The following CERS6 variants were observed in gnomAD, a reference collection of about 807,000 sequenced individuals.
CERS6 encodes LAG1 homolog, ceramide synthase 6.
In CERS6, 26 loss-of-function variants were observed where a neutral mutation model predicts 56.8. The observed-to-expected ratio is 0.46, with a 90% CI of 0.34 to 0.63. CERS6 has a LOEUF of 0.63. Among genes scored for constraint, CERS6 ranks in the 30% least tolerant of loss-of-function variants. The pLI is 0.01. For missense variants in CERS6, 415 were observed against 467.5 expected, an observed-to-expected ratio of 0.89 and a Z score of 1.04; for synonymous variants, 164 against 173.3, an observed-to-expected ratio of 0.95 and a Z score of 0.42.
At chr2:168,650,238 C>T (rs543508557) in intron 4 of CERS6, among the ~76,000 whole-genome samples, 72 of 152,100 alleles carry the variant, frequency 4.7e-4, no homozygotes, top group African/African-American at 1.7e-3. Flanking sequence ...TTTCTTTTTG[C>T]TTTCTTGCAG....
At chr2:168,620,716 A>G (rs1684449928) in intron 3 of CERS6, among the ~76,000 whole-genome samples, 1 of 151,696 alleles carries the variant, frequency 6.6e-6, no homozygotes, top group Non-Finnish European at 1.5e-5. Flanking sequence ...AGCCTGCAGC[A>G]GAAAACTGAC....
rs1198678709 is a variant in CERS6, at chr2:168,523,184, GT to G, written c.171-24408del. The stretch of plus-strand genomic sequence containing the variant: ...CTGCCTCTCTGCTCTACCATTTTGG[GT>G]TTTGTCCTTAAGCTTGTCACCTCTT... On this transcript the variant is annotated intron_variant, in intron 1 of 9. Transcript: ENST00000305747. 2.0e-5 allele frequency among the ~76,000 whole-genome samples: 3 copies of G among 152,284 alleles called. No homozygotes were observed. In the South Asian group the frequency reaches 6.2e-4, roughly 32 times the overall value.
chr2:168,771,714 T>G lies in CERS6; in HGVS notation c.*2052T>G, dbSNP rs1574235151. ...TCCTCTCAATGGCTAAAATTAACTT[T>G]AGAGATCCATGTGTTCAGGTTTAGA... On this transcript the variant is annotated 3_prime_UTR_variant, in exon 10 of 10. Transcript: ENST00000305747. The G allele has an allele frequency of 6.6e-6, 1 of 152,208 alleles. No individual in the cohort carries two copies. The highest frequency in any genetic ancestry group is 1.9e-4 in the East Asian group (1 of 5,192). The allele number at this position is 152,208 out of a possible 1,614,324, so 9.4% of individuals were successfully genotyped here. A position where few individuals can be genotyped will look rare whatever the true frequency, so the allele number is the denominator to read the frequency against.
At chr2:168,523,214 C>T (rs1272632047) in intron 1 of CERS6, among the ~76,000 whole-genome samples, 2 of 152,230 alleles carry the variant, frequency 1.3e-5, no homozygotes, top group Non-Finnish European at 2.9e-5. Flanking sequence ...ACCTCTTGAT[C>T]CCATTATCCC....
chr2:168,732,758 C>T (rs1027010631), intron 8 of CERS6, among the ~76,000 whole-genome samples: 1 of 152,144 alleles, frequency 6.6e-6, no homozygotes, highest in African/African-American at 2.4e-5. Flanking sequence ...AAAACTTGCT[C>T]TCTATCCATC....
At chr2:168,758,069 G>A (rs1574225031) in intron 8 of CERS6, among the ~76,000 whole-genome samples, 4 of 152,142 alleles carry the variant, frequency 2.6e-5, no homozygotes, top group South Asian at 2.1e-4. Context: ...TTTTTTGTTC[G>A]GAGTGAATTT....
intron 8 of CERS6, among the ~76,000 whole-genome samples, chr2:168,722,687 T>C (rs1683216925): frequency 6.6e-6 from 1 of 152,222 alleles, no homozygotes; most frequent in Admixed American, 6.5e-5. Context: ...GCTTCCTAAG[T>C]TGACTCATTC....
At chr2:168,628,414 A>G (rs947993258) in intron 3 of CERS6, among the ~76,000 whole-genome samples, 1 of 152,168 alleles carries the variant, frequency 6.6e-6, no homozygotes, top group African/African-American at 2.4e-5. Context: ...TGAAAGTTTC[A>G]TATAAAGCAG....
At chr2:168,604,529 A>G (rs1172505531) in intron 3 of CERS6, among the ~76,000 whole-genome samples, 1 of 152,290 alleles carries the variant, frequency 6.6e-6, no homozygotes, top group African/African-American at 2.4e-5. Context: ...GCCAAATCTC[A>G]TGTTGAAATG....
At chr2:168,623,873 G>A (rs747122889) in intron 3 of CERS6, among the ~76,000 whole-genome samples, 8 of 152,220 alleles carry the variant, frequency 5.3e-5, no homozygotes, top group Admixed American at 2.0e-4. Flanking sequence ...TGTGAAAAAC[G>A]GGGACACCTG....
chr2:168,620,269 A>G (rs1296947214), intron 3 of CERS6, among the ~76,000 whole-genome samples: 4 of 152,024 alleles, frequency 2.6e-5, no homozygotes, highest in Non-Finnish European at 5.9e-5. Flanking sequence ...TTGGGGACTC[A>G]GGGAAAGGAT....
intron 2 of CERS6, among the ~76,000 whole-genome samples, chr2:168,558,834 A>C (rs1408811023): frequency 6.6e-6 from 1 of 152,174 alleles, no homozygotes; most frequent in African/African-American, 2.4e-5. Flanking sequence ...GCACCACTGC[A>C]CTCCAGCCTG....
intron 8 of CERS6, among the ~76,000 whole-genome samples, chr2:168,758,613 C>T (rs1379035825): frequency 6.6e-6 from 1 of 152,124 alleles, no homozygotes; most frequent in Non-Finnish European, 1.5e-5. Flanking sequence ...CCATTGTTAT[C>T]GTCTTATTAC....
chr2:168,545,151 A>G (rs552454594), intron 1 of CERS6, among the ~76,000 whole-genome samples: 10 of 151,916 alleles, frequency 6.6e-5, no homozygotes, highest in South Asian at 4.2e-4. Flanking sequence ...AGAAACACAT[A>G]CATGTATTTG....
chr2:168,583,656 A>C (rs1683474017), intron 3 of CERS6, among the ~76,000 whole-genome samples: 1 of 152,180 alleles, frequency 6.6e-6, no homozygotes, highest in Non-Finnish European at 1.5e-5. Context: ...GAAGAAGATA[A>C]TGAGCATGAA....
chr2:168,690,099 A>G (rs979909105), intron 4 of CERS6, among the ~76,000 whole-genome samples: 2 of 152,304 alleles, frequency 1.3e-5, no homozygotes, highest in Admixed American at 1.3e-4. Context: ...TATATAGGAC[A>G]TAAGGAGGAC....
chr2:168,544,069 A>G (rs1695419433), intron 1 of CERS6, among the ~76,000 whole-genome samples: 2 of 152,256 alleles, frequency 1.3e-5, no homozygotes, highest in African/African-American at 4.8e-5. Context: ...TGCCAGGCAT[A>G]TAAATGAAAA....
chr2:168,514,080 G>T (rs1273931886), intron 1 of CERS6, among the ~76,000 whole-genome samples: 2 of 152,186 alleles, frequency 1.3e-5, no homozygotes, highest in Non-Finnish European at 2.9e-5. Flanking sequence ...TTACGGTGTT[G>T]TTATTTGCCA....
chr2:168,476,352 ACT>A (rs1302343023), intron 1 of CERS6, among the ~76,000 whole-genome samples: 2 of 151,692 alleles, frequency 1.3e-5, no homozygotes, highest in Non-Finnish European at 2.9e-5. Context: ...GAAAGATAAA[ACT>A]CTCTCCTCAG....
Sources: gnomAD v4.1 joint callset for allele counts (sites outside exome capture counted in the v4.1 genomes callset) on GRCh38, gnomAD v4.1.1 for gene constraint, MANE v1.5 for transcripts, NCBI Gene and HGNC (gene_info 2026-07-23, HGNC 2026-07-21) for gene names.